Variants in TJP3 observed in about 807,000 individuals in gnomAD.
TJP3 encodes the protein tight junction protein ZO-3.
A neutral mutation model predicts 104.2 loss-of-function variants in TJP3; 85 were observed. That is an observed-to-expected ratio of 0.82 (90% CI 0.68 to 0.98). The LOEUF (loss-of-function observed/expected upper bound fraction) is 0.98, where lower values mean the gene tolerates loss of function less well. Among genes scored for constraint, TJP3 ranks in the 50% least tolerant of loss-of-function variants. TJP3 has a pLI of 0.00. For synonymous variants in TJP3, 550 were observed against 550.6 expected (o/e 1.00, Z 0.02); for missense variants, 1,367 against 1,322.8 (o/e 1.03, Z -0.52).
In TJP3 at chr19:3,730,419, G is replaced by T. The variant is rs574813953; in HGVS notation, c.326G>T (p.Arg109Leu). 3.1e-6 allele frequency: 5 copies of T among 1,587,394 alleles called. No homozygotes were observed. Among genetic ancestry groups the T allele is most frequent in the Non-Finnish European group, 4.3e-6 (5 of 1,168,022 alleles). The change falls in exon 5 of 21, where the codon CGC becomes CTC. Residue 109 changes from arginine to leucine, a missense_variant. Coordinates refer to ENST00000541714, the MANE Select transcript of TJP3 (RefSeq NM_001267560.2). The surrounding 1 kb of genome is among the most constrained non-coding windows in gnomAD (Gnocchi z 7.3). The stretch of plus-strand genomic sequence containing the variant: ...AAAGCCAGCCCCTCCAGCCCAGGGC[G>T]CCAGGACTCGGATGAAGACGATGGG... Reference protein sequence around the residue: ...ATKASPSSPGRQDSDEDDGPQ... With the variant: ...ATKASPSSPGLQDSDEDDGPQ...
At chr19:3,716,437 C>T (rs1215308829) in intron 1 of TJP3, among the ~76,000 whole-genome samples, 1 of 148,222 alleles carries the variant, frequency 6.7e-6, no homozygotes, top group Non-Finnish European at 1.5e-5. Flanking sequence ...GAGGCACTGG[C>T]TTGGAGTTCG....
intron 3 of TJP3, among the ~76,000 whole-genome samples, chr19:3,729,049 T>C (rs946743866): frequency 1.3e-5 from 2 of 152,038 alleles, no homozygotes; most frequent in Admixed American, 1.3e-4. Context: ...TGAGACTCTG[T>C]CTCAAAAAGA....
chr19:3,717,608 C>T lies in TJP3; in HGVS notation c.-10+9047C>T, dbSNP rs879866333. ...CTGCCACCATCCTTGGCTAATTTTT[C>T]GTATTTTTGTAGAGATGGGTTTTGC... On this transcript the variant is annotated intron_variant, in intron 1 of 20. Coordinates refer to ENST00000541714, the MANE Select transcript of TJP3 (RefSeq NM_001267560.2). Among the ~76,000 whole-genome samples the T allele has an allele frequency of 1.9e-3, 285 of 151,196 alleles. 1 individual carries two copies. The Middle Eastern group carries it at 0.021, about 11-fold the overall frequency.
rs1280900444 is a variant in TJP3, at chr19:3,729,990, G to A, written c.159-38G>A. The A allele has an allele frequency of 3.8e-6, 6 of 1,588,314 alleles. No individual in the cohort carries two copies. The Middle Eastern group carries it at 6.7e-4, about 176-fold the overall frequency. On this transcript the variant is annotated intron_variant, in intron 3 of 20. Coordinates refer to ENST00000541714, the MANE Select transcript of TJP3 (RefSeq NM_001267560.2). ...AGGGCTTGTTACGAGGGTCTCCCCTGCAAAGCCTCCTCCGTAAGACCCGCC... is the reference window on the plus strand; with the variant it reads ...AGGGCTTGTTACGAGGGTCTCCCCTACAAAGCCTCCTCCGTAAGACCCGCC...
intron 1 of TJP3, among the ~76,000 whole-genome samples, chr19:3,722,671 G>C (rs615969): frequency 0.13 from 20,274 of 151,756 alleles, 1,833 homozygotes; most frequent in East Asian, 0.24. Flanking sequence ...AGCCAGGGTA[G>C]ACTGGGACTG....
At chr19:3,721,657 A>G (rs1391978730) in intron 1 of TJP3, 1 of 330,638 alleles carries the variant, frequency 3.0e-6, no homozygotes, top group Non-Finnish European at 5.5e-6. Flanking sequence ...TGGGGAGAGA[A>G]ACCTCCGCCG....
intron 15 of TJP3, among the ~76,000 whole-genome samples, chr19:3,744,408 G>A (rs546674995): frequency 2.0e-5 from 3 of 152,222 alleles, no homozygotes; most frequent in African/African-American, 7.2e-5. Context: ...GCTCATGCCT[G>A]TAATCCCAGC....
At chr19:3,719,364 G>A (rs577117250) in intron 1 of TJP3, among the ~76,000 whole-genome samples, 20 of 152,252 alleles carry the variant, frequency 1.3e-4, no homozygotes, top group African/African-American at 4.8e-4. Context: ...CTTGGAAAGA[G>A]TTTGGGGCTC....
intron 3 of TJP3, among the ~76,000 whole-genome samples, chr19:3,729,787 A>G (rs1397132640): frequency 6.6e-6 from 1 of 151,504 alleles, no homozygotes; most frequent in Non-Finnish European, 1.5e-5. Context: ...GTCTCAAAAA[A>G]AAAAAAAAAA....
At chr19:3,726,074 G>T (rs2036593056) in intron 1 of TJP3, among the ~76,000 whole-genome samples, 1 of 152,258 alleles carries the variant, frequency 6.6e-6, no homozygotes, top group South Asian at 2.1e-4. Flanking sequence ...GCGCACCAAT[G>T]GGGGGTGCCT....
Position 3,740,547 on chromosome 19 carries a change from C to G in TJP3, c.1632-5C>G. On this transcript the variant is annotated splice_region_variant and splice_polypyrimidine_tract_variant and intron_variant, in intron 13 of 20. Transcript: ENST00000541714. ...GTGCTCAGTACTGTCCCCTCTTCTC[C>G]CCAGGGCGGAGCAGCTGGCCAGCCT... The G allele has an allele frequency of 6.8e-7, 1 of 1,460,550 alleles. No individual in the cohort carries two copies. 90.5% of individuals were successfully genotyped at this position (1,460,550 alleles called of 1,614,324 possible).
chr19:3,735,911 GCAGT>G lies in TJP3; in HGVS notation c.1107_1110del (p.Ser369ArgfsTer60). On this transcript the variant is annotated frameshift_variant, in exon 10 of 21. Transcript: ENST00000541714. LOFTEE classifies it high-confidence loss of function. ...AGCTATGACATCTACAGAGTGCCCA[GCAGT>G]CAGAGCATGGAGGATCGTGGGTATG... 6.2e-7 allele frequency: 1 copy of G among 1,614,172 alleles called. No individual in the cohort carries two copies. The highest frequency in any genetic ancestry group is 8.5e-7 in the Non-Finnish European group (1 of 1,180,030).
rs1398151236 is a variant in TJP3, at chr19:3,711,735, A to AC, written c.-10+3175dup. 3.4e-5 allele frequency among the ~76,000 whole-genome samples: 4 copies of AC among 117,260 alleles called. 1 individual carries two copies. Among genetic ancestry groups the AC allele is most frequent in the Non-Finnish European group, 5.2e-5 (3 of 57,686 alleles). 76.9% of individuals were successfully genotyped at this position (117,260 alleles called of 152,430 possible). ...GTGAAACCCTGTCTCTACTAAAAGTACAAAAAAAAAAAAAAAGGTGCTTTA... is the reference window on the plus strand; with the variant it reads ...GTGAAACCCTGTCTCTACTAAAAGTACCAAAAAAAAAAAAAAAGGTGCTTTA... On this transcript the variant is annotated intron_variant, in intron 1 of 20. Transcript: ENST00000541714.
At chr19:3,713,156 C>T (rs1218409481) in intron 1 of TJP3, among the ~76,000 whole-genome samples, 5 of 152,086 alleles carry the variant, frequency 3.3e-5, no homozygotes, top group Admixed American at 3.3e-4. Flanking sequence ...TGCCTTAGGG[C>T]TGAGCCGGCC....
chr19:3,720,775 T>C (rs1421544807), intron 1 of TJP3, among the ~76,000 whole-genome samples: 1 of 151,992 alleles, frequency 6.6e-6, no homozygotes, highest in Non-Finnish European at 1.5e-5. Context: ...TGGGCTGGGC[T>C]GGGTGAGAAG....
rs193129644 is a variant in TJP3, at chr19:3,717,580, C to T, written c.-10+9019C>T. Among the ~76,000 whole-genome samples the T allele has an allele frequency of 8.3e-3, 1,261 of 151,894 alleles. 57 individuals are homozygous for T. The highest frequency in any genetic ancestry group is 0.076 in the Admixed American group (1,156 of 15,242). On this transcript the variant is annotated intron_variant, in intron 1 of 20. Coordinates refer to ENST00000541714, the MANE Select transcript of TJP3 (RefSeq NM_001267560.2). Reference sequence around the variant, plus strand: ...CCTCCTGAGTAGCTGGGATTACAGGCGCCTGCCACCATCCTTGGCTAATTT... The same window carrying T: ...CCTCCTGAGTAGCTGGGATTACAGGTGCCTGCCACCATCCTTGGCTAATTT...
chr19:3,742,628 C>T (rs139325644), intron 14 of TJP3, among the ~76,000 whole-genome samples: 3 of 18,558 alleles, frequency 1.6e-4, no homozygotes, highest in African/African-American at 6.0e-4. Flanking sequence ...GCTCCAACAT[C>T]CAGATGAAAA....
At chr19:3,727,046 C>T (rs2036604563) in intron 1 of TJP3, among the ~76,000 whole-genome samples, 1 of 151,850 alleles carries the variant, frequency 6.6e-6, no homozygotes, top group African/African-American at 2.4e-5. Flanking sequence ...GTGATCACAC[C>T]ACTGCACTCC....
At chr19:3,713,306 A>G (rs1034977551) in intron 1 of TJP3, among the ~76,000 whole-genome samples, 2 of 152,158 alleles carry the variant, frequency 1.3e-5, no homozygotes, top group Non-Finnish European at 2.9e-5. Flanking sequence ...GGCTTCCTTA[A>G]AACCTCCCAG....
Sources: gnomAD v4.1 joint callset for allele counts (sites outside exome capture counted in the v4.1 genomes callset) on GRCh38, gnomAD v4.1.1 for gene constraint, Gnocchi (gnomAD v3.1) non-coding constraint, MANE v1.5 for transcripts, NCBI Gene and HGNC (gene_info 2026-07-23, HGNC 2026-07-21) for gene names.